Variants in PRELID2 observed in about 807,000 individuals in gnomAD.
PRELID2 encodes PRELI domain-containing protein 2.
PRELID2 carries 25 observed loss-of-function variants against 28.4 expected under a neutral mutation model. The observed-to-expected ratio is 0.88, with a 90% confidence interval of 0.64 to 1.23. PRELID2 has a LOEUF of 1.23. Ranked by LOEUF, PRELID2 falls within the 50% of genes most tolerant of loss-of-function variation. The pLI, the probability that PRELID2 is intolerant of heterozygous loss-of-function variation, is 0.00. For missense variants in PRELID2, 201 were observed against 214.4 expected (o/e 0.94, Z 0.39); for synonymous variants, 76 against 71.6 (o/e 1.06, Z -0.31).
intron 1 of PRELID2, among the ~76,000 whole-genome samples, chr5:145,602,968 C>A (rs1753418069): frequency 6.6e-6 from 1 of 152,114 alleles, no homozygotes; most frequent in South Asian, 2.1e-4. Flanking sequence ...ATGAGAATTG[C>A]TTGAACCCAG....
downstream of PRELID2, among the ~76,000 whole-genome samples, chr5:145,756,334 C>T (rs1757254742): frequency 6.6e-6 from 1 of 152,188 alleles, no homozygotes; most frequent in Admixed American, 6.5e-5. Context: ...TTAGAATGCA[C>T]ACATAAATAT....
At chr5:145,764,862 G>C in intron 6 of PRELID2, 69 bp downstream of exon 6, 2 of 1,155,572 alleles carry the variant, frequency 1.7e-6, no homozygotes, top group Non-Finnish European at 2.6e-6. Flanking sequence ...GGCTGCTGTA[G>C]AATACCAGGC....
the PRELID2 span, among the ~76,000 whole-genome samples, chr5:145,432,003 A>C: frequency 6.6e-6 from 1 of 152,200 alleles, no homozygotes; most frequent in Non-Finnish European, 1.5e-5. Flanking sequence ...GAGAGCAATC[A>C]CATGTAATTA....
At chr5:145,592,471 CAT>C (rs1753244618) in intron 1 of PRELID2, among the ~76,000 whole-genome samples, 2 of 141,958 alleles carry the variant, frequency 1.4e-5, no homozygotes, top group South Asian at 2.1e-4. Context: ...CACACACATA[CAT>C]ACACACACAC....
chr5:145,542,203 C>A (rs556172026), intron 1 of PRELID2, among the ~76,000 whole-genome samples: 2 of 152,170 alleles, frequency 1.3e-5, no homozygotes, highest in South Asian at 4.1e-4. Context: ...TTCCTGAATC[C>A]TTTCCCCAAA....
chr5:145,691,928 T>G (rs2149696249), intron 1 of PRELID2, among the ~76,000 whole-genome samples: 1 of 152,276 alleles, frequency 6.6e-6, no homozygotes, highest in East Asian at 1.9e-4. Flanking sequence ...CATGCCTCTG[T>G]GCCTTTGACC....
the PRELID2 span, among the ~76,000 whole-genome samples, chr5:145,327,137 G>T: frequency 6.6e-6 from 1 of 152,098 alleles, no homozygotes; most frequent in Non-Finnish European, 1.5e-5. Flanking sequence ...GGTCTATTTG[G>T]TCTATATTGT....
chr5:145,446,805 G>A, the PRELID2 span, among the ~76,000 whole-genome samples: 2 of 152,102 alleles, frequency 1.3e-5, no homozygotes, highest in Non-Finnish European at 2.9e-5. Context: ...TCAGCACTTT[G>A]GGAGGCTGAG....
chr5:145,399,024 AG>A, the PRELID2 span, among the ~76,000 whole-genome samples: 1 of 152,172 alleles, frequency 6.6e-6, no homozygotes, highest in Non-Finnish European at 1.5e-5. Flanking sequence ...TGAGCAAGTG[AG>A]AGATTCACAT....
At chr5:145,589,981 T>C (rs561519323) in intron 1 of PRELID2, among the ~76,000 whole-genome samples, 1 of 152,318 alleles carries the variant, frequency 6.6e-6, no homozygotes, top group South Asian at 2.1e-4. Flanking sequence ...TTCTTTAATA[T>C]GCATGATATT....
the PRELID2 span, among the ~76,000 whole-genome samples, chr5:145,438,106 T>C: frequency 2.6e-5 from 4 of 152,098 alleles, no homozygotes; most frequent in African/African-American, 9.7e-5. Flanking sequence ...ATAATTGGAC[T>C]GAGGGGATCA....
the PRELID2 span, among the ~76,000 whole-genome samples, chr5:145,305,908 T>G: frequency 6.6e-6 from 1 of 152,186 alleles, no homozygotes; most frequent in East Asian, 1.9e-4. Context: ...GGTGGGCCAC[T>G]GCTAATGCAA....
chr5:145,421,722 C>A, the PRELID2 span, among the ~76,000 whole-genome samples: 1 of 144,208 alleles, frequency 6.9e-6, no homozygotes, highest in African/African-American at 2.5e-5. Context: ...GTTTTTTTGT[C>A]TCTATTTCCT....
chr5:145,477,981 T>G (rs1752118404), intron 1 of PRELID2, among the ~76,000 whole-genome samples: 1 of 152,122 alleles, frequency 6.6e-6, no homozygotes, highest in African/African-American at 2.4e-5. Context: ...TACATTAAGA[T>G]AGGCTAGTGG....
chr5:145,744,715 C>G (rs944255098), intron 1 of PRELID2, among the ~76,000 whole-genome samples: 39 of 152,176 alleles, frequency 2.6e-4, no homozygotes, highest in African/African-American at 9.2e-4. Flanking sequence ...GGTCAGCATC[C>G]TCAAAGATCG....
intron 1 of PRELID2, among the ~76,000 whole-genome samples, chr5:145,701,154 T>C (rs1755397332): frequency 6.6e-6 from 1 of 152,176 alleles, no homozygotes; most frequent in South Asian, 2.1e-4. Context: ...TTCTCCCCAT[T>C]TCACAGACTA....
intron 1 of PRELID2, chr5:145,834,895 C>G (rs1386638885): frequency 2.7e-6 from 1 of 371,678 alleles, no homozygotes; most frequent in Non-Finnish European, 4.9e-6. Flanking sequence ...ATCTGCAACT[C>G]CACGGAGCTC....
At chr5:145,568,383 T>C (rs1444610310) in intron 1 of PRELID2, among the ~76,000 whole-genome samples, 1 of 152,212 alleles carries the variant, frequency 6.6e-6, no homozygotes, top group Admixed American at 6.5e-5. Flanking sequence ...TAAAAAATGT[T>C]ATTCAATATT....
rs10061116 is a variant in PRELID2, at chr5:145,804,693, C to T, written c.369-8146G>A. Among the ~76,000 whole-genome samples, 481 of 152,200 alleles carry T rather than the reference C, an allele frequency of 3.2e-3. 4 individuals carry two copies. The highest frequency in any genetic ancestry group is 0.011 in the African/African-American group (453 of 41,522). On this transcript the variant is annotated intron_variant, in intron 4 of 6. Coordinates refer to ENST00000683046, the MANE Select transcript of PRELID2 (RefSeq NM_205846.3). ...AAAAACTGAGGTTCCAAGAGGCAAA[C>T]TTACTTATGGTCATATAAAAATAAG... is the stretch of plus-strand genomic sequence containing the variant.
Sources: gnomAD v4.1 joint callset for allele counts (sites outside exome capture counted in the v4.1 genomes callset) on GRCh38, gnomAD v4.1.1 for gene constraint, MANE v1.5 for transcripts, NCBI Gene and HGNC (gene_info 2026-07-23, HGNC 2026-07-21) for gene names.